The following CNTNAP2 variants were observed in gnomAD, a reference collection of about 807,000 sequenced individuals.
CNTNAP2 encodes contactin associated protein 2.
Under a neutral mutation model 155.2 loss-of-function variants are expected in CNTNAP2, and 98 were observed. The ratio of observed to expected loss-of-function variants is 0.63; its 90% CI spans 0.54 to 0.75. The LOEUF is 0.75. Ranked by LOEUF, CNTNAP2 falls within the 30% of genes least tolerant of loss-of-function variation. CNTNAP2 has a pLI of 0.00. For missense variants in CNTNAP2, 1,727 were observed against 1,688.1 expected (o/e 1.02, Z -0.40); for synonymous variants, 651 against 631.2 (o/e 1.03, Z -0.47).
At chr7:146,944,610 G>A (rs1797121462) in intron 3 of CNTNAP2, among the ~76,000 whole-genome samples, 1 of 152,118 alleles carries the variant, frequency 6.6e-6, no homozygotes, top group African/African-American at 2.4e-5. Flanking sequence ...CAGGCGCGGG[G>A]GCTCACACCT....
intron 9 of CNTNAP2, among the ~76,000 whole-genome samples, chr7:147,313,142 A>G (rs1172361452): frequency 6.8e-6 from 1 of 146,894 alleles, no homozygotes; most frequent in Non-Finnish European, 1.5e-5. Context: ...GTTTGAGTTC[A>G]TTGTAGATTC....
chr7:147,934,540 T>C (rs1335158383), intron 14 of CNTNAP2, among the ~76,000 whole-genome samples: 3 of 152,064 alleles, frequency 2.0e-5, no homozygotes, highest in African/African-American at 7.2e-5. Flanking sequence ...GAGATGTGGG[T>C]GGGGACACAG....
intron 14 of CNTNAP2, among the ~76,000 whole-genome samples, chr7:147,919,459 C>CTTTCTTTCTTT (rs58537091): frequency 2.0e-5 from 1 of 51,238 alleles, no homozygotes; most frequent in African/African-American, 1.1e-4. Flanking sequence ...CTTTTTCTTT[C>CTTTCTTTCTTT]TTTTTTTTTT....
chr7:146,380,429 G>A (rs1035468500), intron 1 of CNTNAP2, among the ~76,000 whole-genome samples: 1 of 152,060 alleles, frequency 6.6e-6, no homozygotes, highest in Non-Finnish European at 1.5e-5. Flanking sequence ...AGTAACTGAT[G>A]TCGTCTTTTT....
In CNTNAP2 at chr7:146,517,057, A is replaced by G. The variant is rs374192913; in HGVS notation, c.98-257214A>G. ...AGTAAAAACAATTCATAAGTTTTAA[A>G]TCCTATGCTGCTCTAAGCACGGTGA... On this transcript the variant is annotated intron_variant, in intron 1 of 23. Transcript: ENST00000361727. Among the ~76,000 whole-genome samples the G allele has an allele frequency of 7.2e-5, 11 of 152,086 alleles. No individual in the cohort carries two copies. The East Asian group carries it at 1.5e-3, about 21-fold the overall frequency.
chr7:147,041,195 AT>A (rs949385622), intron 3 of CNTNAP2, among the ~76,000 whole-genome samples: 14 of 152,084 alleles, frequency 9.2e-5, no homozygotes, highest in African/African-American at 3.4e-4. Context: ...AAGATTTATG[AT>A]TTTTTTCAAC....
At chr7:146,214,969 C>A (rs921215751) in intron 1 of CNTNAP2, among the ~76,000 whole-genome samples, 2 of 152,160 alleles carry the variant, frequency 1.3e-5, no homozygotes, top group Non-Finnish European at 2.9e-5. Context: ...TCCGAACATA[C>A]CCTGGAACAT....
At chr7:147,647,433 T>C (rs1235314822) in intron 13 of CNTNAP2, among the ~76,000 whole-genome samples, 2 of 152,006 alleles carry the variant, frequency 1.3e-5, no homozygotes, top group African/African-American at 4.8e-5. Flanking sequence ...AAAATAAAAA[T>C]ACTGGTACTA....
At chr7:147,493,344 G>A (rs1002116313) in intron 11 of CNTNAP2, among the ~76,000 whole-genome samples, 9 of 152,120 alleles carry the variant, frequency 5.9e-5, no homozygotes, top group Admixed American at 5.2e-4. Flanking sequence ...GTTATCAAGT[G>A]AGCAACTACC....
At chr7:147,344,008 T>C (rs1795805705) in intron 9 of CNTNAP2, among the ~76,000 whole-genome samples, 1 of 152,218 alleles carries the variant, frequency 6.6e-6, no homozygotes, top group Non-Finnish European at 1.5e-5. Flanking sequence ...TCATTTACTC[T>C]TCAAATCAAC....
chr7:147,778,559 G>C (rs1379152966), intron 13 of CNTNAP2, among the ~76,000 whole-genome samples: 5 of 152,208 alleles, frequency 3.3e-5, no homozygotes, highest in African/African-American at 7.2e-5. Context: ...TAAGCCAGAG[G>C]TAGCACCTGT....
chr7:146,801,032 T>G (rs769171424), intron 2 of CNTNAP2, among the ~76,000 whole-genome samples: 1 of 152,162 alleles, frequency 6.6e-6, no homozygotes, highest in Non-Finnish European at 1.5e-5. Flanking sequence ...AAGAAATACC[T>G]GAGGCTGGGT....
At chr7:148,283,258 A>AAGAAAG (rs1563024588) in intron 21 of CNTNAP2, among the ~76,000 whole-genome samples, 1 of 55,644 alleles carries the variant, frequency 1.8e-5, no homozygotes, top group Non-Finnish European at 3.4e-5. Context: ...AAAAAAAAAA[A>AAGAAAG]GAAAGAAAGA....
chr7:147,289,832 A>G (rs1805261846), intron 8 of CNTNAP2, among the ~76,000 whole-genome samples: 1 of 152,224 alleles, frequency 6.6e-6, no homozygotes, highest in Admixed American at 6.5e-5. Context: ...GTTTAAGAGC[A>G]AATAATTTCA....
At chr7:147,835,748 T>G (rs1333778918) in intron 13 of CNTNAP2, among the ~76,000 whole-genome samples, 1 of 152,162 alleles carries the variant, frequency 6.6e-6, no homozygotes, top group Admixed American at 6.5e-5. Flanking sequence ...CATCCTGGAC[T>G]TAGAAATCTA....
At chr7:147,313,694 C>T (rs1023273710) in intron 9 of CNTNAP2, among the ~76,000 whole-genome samples, 77 of 152,196 alleles carry the variant, frequency 5.1e-4, no homozygotes, top group African/African-American at 9.6e-4. Context: ...AGTCAGGTAG[C>T]GTGATGCCTC....
chr7:148,105,204 G>A (rs550223546), intron 15 of CNTNAP2, among the ~76,000 whole-genome samples: 42 of 152,298 alleles, frequency 2.8e-4, no homozygotes, highest in East Asian at 7.7e-4. Context: ...CCGGGGATAC[G>A]TCAGAAAGAC....
intron 1 of CNTNAP2, among the ~76,000 whole-genome samples, chr7:146,189,877 G>C (rs1020721693): frequency 2.0e-5 from 3 of 152,138 alleles, no homozygotes; most frequent in African/African-American, 4.8e-5. Flanking sequence ...AGTTTATCAT[G>C]TAGAACACTC....
At chr7:146,347,205 T>C (rs538792925) in intron 1 of CNTNAP2, among the ~76,000 whole-genome samples, 1 of 149,246 alleles carries the variant, frequency 6.7e-6, no homozygotes, top group Non-Finnish European at 1.5e-5. Context: ...TTATTTTGAA[T>C]GCTATAAAAA....
Sources: allele counts gnomAD v4.1 joint callset (sites outside exome capture counted in the v4.1 genomes callset), GRCh38; gene constraint gnomAD v4.1.1; transcripts MANE v1.5; gene names NCBI Gene and HGNC (gene_info 2026-07-23, HGNC 2026-07-21).